The following EPN3 variants were observed in gnomAD, a reference collection of about 807,000 sequenced individuals.
The protein encoded by EPN3 is epsin-3.
In EPN3, 56 loss-of-function variants were observed where a neutral mutation model predicts 55.5. That is an observed-to-expected ratio of 1.01 (90% CI 0.81 to 1.26). EPN3 has a LOEUF of 1.26. EPN3 is among the 50% of genes most tolerant of loss of function. EPN3 has a pLI of 0.00. For missense variants in EPN3, 927 were observed against 853.4 expected (o/e 1.09, Z -1.07); for synonymous variants, 449 against 375.2 (o/e 1.20, Z -2.27).
At position 50,540,895 on chromosome 17, in the gene EPN3, G is replaced by A; in HGVS notation, c.1082G>A (p.Trp361Ter). 1.9e-6 allele frequency: 3 copies of A among 1,614,152 alleles called. No individual in the cohort carries two copies. The highest frequency in any genetic ancestry group is 2.2e-5 in the East Asian group (1 of 44,882). The part of the protein sequence containing the change: ...SGTVLSRSQP[W>*]DLTPMLSSSE... The stretch of plus-strand genomic sequence containing the variant: ...ACCGTCCTGTCCCGAAGCCAGCCCT[G>A]GGATCTGACTCCCATGCTCTCCTCC... Residue 361 changes from tryptophan (W) to a stop codon, truncating the protein, a stop_gained, in exon 7 of 10, where the codon TGG becomes TAG. Coordinates refer to ENST00000268933, the MANE Select transcript of EPN3 (RefSeq NM_017957.3). LOFTEE classifies it high-confidence loss of function.
chr17:50,538,083 CTCT>C lies in EPN3; in HGVS notation c.570_572del (p.Ser192del). On this transcript the variant is annotated inframe_deletion, in exon 3 of 10. Transcript: ENST00000268933. The stretch of plus-strand genomic sequence containing the variant: ...GAGACATGATGGTCATTGCAGCCTC[CTCT>C]TCGTCACCCCGCTATACCTCCGACC... 2.5e-6 allele frequency: 4 copies of C among 1,613,674 alleles called. No homozygotes were observed. The highest frequency in any genetic ancestry group is 3.3e-4 in the Middle Eastern group (2 of 6,060).
rs749556056 is a variant in EPN3, at chr17:50,541,729, CCTG to C, written c.1585+38_1585+40del. 2.5e-6 allele frequency: 4 copies of C among 1,609,562 alleles called. No individual in the cohort carries two copies. In the South Asian group the frequency reaches 4.4e-5, roughly 18 times the overall value. ...GCCCTTGTCCCTCAACCCAGGGGCT[CCTG>C]CTTTCAGAGCCTAGCCTCCGCCGGA... On this transcript the variant is annotated intron_variant, in intron 9 of 9. Coordinates refer to ENST00000268933, the MANE Select transcript of EPN3 (RefSeq NM_017957.3).
chr17:50,532,972 A>G lies in EPN3; in HGVS notation c.-150A>G. On this transcript the variant is annotated 5_prime_UTR_variant, in exon 1 of 10. Transcript: ENST00000268933. ...CTCGGGCTGGGGCTGGGGCCGAGGG[A>G]GCCCGCACTGGAGGTAAGCTTCCTC... 1 of 1,284,902 alleles carries G rather than the reference A, an allele frequency of 7.8e-7. No individual in the cohort carries two copies. The allele number at this position is 1,284,902 out of a possible 1,614,324, so 79.6% of individuals were successfully genotyped here. A position where few individuals can be genotyped will look rare whatever the true frequency, so the allele number is the denominator to read the frequency against.
chr17:50,536,324 C>T, intron 1 of EPN3, 97 bp from the exon 2 acceptor site: 5 of 1,023,282 alleles, frequency 4.9e-6, no homozygotes, highest in Non-Finnish European at 6.8e-6. Flanking sequence ...TCCCTGGAGG[C>T]AGGGACACTC....
chr17:50,536,788 C>G lies in EPN3; in HGVS notation c.232C>G (p.Leu78Val). 6.2e-7 allele frequency: 1 copy of G among 1,614,158 alleles called. No individual in the cohort carries two copies. Among genetic ancestry groups the G allele is most frequent in the East Asian group, 2.2e-5 (1 of 44,882 alleles). Residue 78 changes from leucine (L) to valine (V), a missense_variant, in exon 2 of 10, where the codon CTA (leucine) becomes GTA (valine). Transcript: ENST00000268933. ...GAACTGGCGGCACGTGTACAAGGCT[C>G]TAACATTGCTGGACTACCTGCTCAA... ...GKNWRHVYKA[L>V]TLLDYLLKTG...
intron 5 of EPN3, among the ~76,000 whole-genome samples, chr17:50,539,726 T>C (rs540444378): frequency 7.9e-5 from 12 of 152,236 alleles, no homozygotes; most frequent in Non-Finnish European, 1.6e-4. Context: ...CTCGGGCTCA[T>C]GGACATATTT....
rs550737946 is a variant in EPN3 at position 50,536,426 on chromosome 17, T to C, written c.-131T>C. ...CCTGGCCCTCTCTTCCTCAGCCCCA[T>C]GTGGAACCCAAGGATGCAGCTGCTC... is the stretch of plus-strand genomic sequence containing the variant. On this transcript the variant is annotated 5_prime_UTR_variant, in exon 2 of 10. It removes an upstream start codon present in the reference 5' UTR. Coordinates refer to ENST00000268933, the MANE Select transcript of EPN3 (RefSeq NM_017957.3). 99 of 1,519,356 alleles carry C rather than the reference T, an allele frequency of 6.5e-5. No homozygotes were observed. In the African/African-American group the frequency reaches 9.6e-4, roughly 15 times the overall value. The allele number at this position is 1,519,356 out of a possible 1,614,324, so 94.1% of individuals were successfully genotyped here. A position where few individuals can be genotyped will look rare whatever the true frequency, so the allele number is the denominator to read the frequency against.
rs1404270133 is a variant in EPN3 at position 50,532,903 on chromosome 17, G to A, written c.-219G>A. 1 of 1,286,046 alleles carries A rather than the reference G, an allele frequency of 7.8e-7. No homozygotes were observed. The highest frequency in any genetic ancestry group is 1.0e-6 in the Non-Finnish European group (1 of 987,432). The allele number at this position is 1,286,046 out of a possible 1,614,324, so 79.7% of individuals were successfully genotyped here. A position where few individuals can be genotyped will look rare whatever the true frequency, so the allele number is the denominator to read the frequency against. ...GCTCTGGAGACGCTCCCGAGGCTGT[G>A]CCGTCCCGCTGCTGCACAGGTCGGA... On this transcript the variant is annotated 5_prime_UTR_variant, in exon 1 of 10. Transcript: ENST00000268933.
Position 50,542,646 on chromosome 17 carries a change from T to C in EPN3, c.*489T>C, listed in dbSNP as rs1277494465. ...GCAAGAGACAATAGGCCTTTGTTCCTATTTATTGGGTACTGCTTACGTGCT... is the reference window on the plus strand; with the variant it reads ...GCAAGAGACAATAGGCCTTTGTTCCCATTTATTGGGTACTGCTTACGTGCT... On this transcript the variant is annotated 3_prime_UTR_variant, in exon 10 of 10. Transcript: ENST00000268933. 5 of 162,948 alleles carry C rather than the reference T, an allele frequency of 3.1e-5. No homozygotes were observed. The highest frequency in any genetic ancestry group is 6.6e-5 in the Non-Finnish European group (5 of 75,976). 10.1% of individuals were successfully genotyped at this position (162,948 alleles called of 1,614,324 possible).
chr17:50,540,920 CTCT>C lies in EPN3; in HGVS notation c.1108_1110del (p.Ser370del), dbSNP rs1567905312. 5 of 1,614,036 alleles carry C rather than the reference CTCT, an allele frequency of 3.1e-6. No homozygotes were observed. Among genetic ancestry groups the C allele is most frequent in the African/African-American group, 2.7e-5 (2 of 74,942 alleles). ...GGGATCTGACTCCCATGCTCTCCTC[CTCT>C]GAGCCCTGGGGCAGGACCCCAGTGC... On this transcript the variant is annotated inframe_deletion, in exon 7 of 10. Transcript: ENST00000268933.
intron 3 of EPN3, 57 bp downstream of exon 3, chr17:50,538,254 C>A: frequency 1.4e-6 from 2 of 1,403,900 alleles, no homozygotes; most frequent in Non-Finnish European, 2.0e-6. Context: ...GGAGAGAGTG[C>A]CTGGGAGCCC....
rs199945597 is a variant in EPN3, at chr17:50,540,359, C to T, written c.979+25C>T. The stretch of plus-strand genomic sequence containing the variant: ...GGTGGGCATGCAGGGCTGCAAGAGA[C>T]TTCCAGGCTGGCCCAAGAGCCTCCT... On this transcript the variant is annotated intron_variant, in intron 6 of 9. Transcript: ENST00000268933. 2.1e-5 allele frequency: 33 copies of T among 1,593,166 alleles called. No homozygotes were observed. In the African/African-American group the frequency reaches 4.3e-4, roughly 21 times the overall value.
chr17:50,538,092 AC>A lies in EPN3; in HGVS notation c.580del (p.Arg194AlafsTer27). 6.2e-7 allele frequency: 1 copy of A among 1,613,418 alleles called. No homozygotes were observed. Among genetic ancestry groups the A allele is most frequent in the Non-Finnish European group, 8.5e-7 (1 of 1,179,742 alleles). On this transcript the variant is annotated frameshift_variant, in exon 3 of 10. Coordinates refer to ENST00000268933, the MANE Select transcript of EPN3 (RefSeq NM_017957.3). LOFTEE classifies it high-confidence loss of function. ...PSSYNSSSSS[P>X]RYTSDLEQAR... is the part of the protein sequence containing the mutation. Reference sequence around the variant, plus strand: ...TGGTCATTGCAGCCTCCTCTTCGTCACCCCGCTATACCTCCGACCTGGAGCA... The same window carrying A: ...TGGTCATTGCAGCCTCCTCTTCGTCACCCGCTATACCTCCGACCTGGAGCA...
intron 1 of EPN3, among the ~76,000 whole-genome samples, chr17:50,535,413 G>A (rs985489517): frequency 2.6e-5 from 4 of 152,188 alleles, no homozygotes; most frequent in African/African-American, 7.2e-5. Context: ...ACTTCCATGT[G>A]TACGTGGGGG....
Position 50,532,779 on chromosome 17 carries a change from G to A in EPN3, c.-343G>A. ...GCTAGGAGGCAAACGCACGCGGGAA[G>A]AGCTGCTACCCATTCCAGGGACCCT... On this transcript the variant is annotated 5_prime_UTR_variant, in exon 1 of 10. Transcript: ENST00000268933. 1.3e-6 allele frequency: 1 copy of A among 777,156 alleles called. No homozygotes were observed. The highest frequency in any genetic ancestry group is 1.8e-6 in the Non-Finnish European group (1 of 553,504). The allele number at this position is 777,156 out of a possible 1,614,324, so 48.1% of individuals were successfully genotyped here. A position where few individuals can be genotyped will look rare whatever the true frequency, so the allele number is the denominator to read the frequency against.
At position 50,540,309 on chromosome 17, in the gene EPN3, C is replaced by A. The variant is rs758019315; in HGVS notation, c.954C>A (p.Cys318Ter). Reference protein sequence around the residue: ...VPALAPPSTHCSADPWDIPGF... With the variant: ...VPALAPPSTH ...CCCTGGCCCCGCCCTCCACACACTGCTCTGCTGACCCATGGGACATCCCAG... is the reference window on the plus strand; with the variant it reads ...CCCTGGCCCCGCCCTCCACACACTGATCTGCTGACCCATGGGACATCCCAG... The change falls in exon 6 of 10, where the codon TGC (cysteine) becomes TGA (stop). Residue 318 changes from cysteine (C) to a stop codon, truncating the protein, a stop_gained. Transcript: ENST00000268933. LOFTEE classifies it high-confidence loss of function. 4 of 1,612,332 alleles carry A rather than the reference C, an allele frequency of 2.5e-6. No homozygotes were observed. Among genetic ancestry groups the A allele is most frequent in the Non-Finnish European group, 3.4e-6 (4 of 1,179,956 alleles).
Position 50,539,204 on chromosome 17 carries a change from G to A in EPN3, c.780G>A (p.Gln260=). The A allele has an allele frequency of 6.8e-6, 11 of 1,614,076 alleles. No individual in the cohort carries two copies. Among genetic ancestry groups the A allele is most frequent in the Non-Finnish European group, 9.3e-6 (11 of 1,180,002 alleles). The change falls in exon 5 of 10, where the codon CAG becomes CAA. Residue 260 remains glutamine, a synonymous_variant. Coordinates refer to ENST00000268933, the MANE Select transcript of EPN3 (RefSeq NM_017957.3). ...TTCTGCAGGAGGTGAGGTCCTGGCAGGGTGATGGCTCCCCCATGGCCAATG... is the reference window on the plus strand; with the variant it reads ...TTCTGCAGGAGGTGAGGTCCTGGCAAGGTGATGGCTCCCCCATGGCCAATG... The part of the protein sequence containing the change: ...QEHEKEVRSW[Q]GDGSPMANGA...
intron 1 of EPN3, chr17:50,534,343 G>A: frequency 1.1e-6 from 1 of 920,878 alleles, no homozygotes; most frequent in South Asian, 5.0e-5. Flanking sequence ...TCCCCTCCCA[G>A]AGGCTGGTGC....
Position 50,542,191 on chromosome 17 carries a change from G to T in EPN3, c.*34G>T. 2.8e-6 allele frequency: 4 copies of T among 1,438,406 alleles called. No individual in the cohort carries two copies. Among genetic ancestry groups the T allele is most frequent in the Non-Finnish European group, 3.6e-6 (4 of 1,105,938 alleles). 89.1% of individuals were successfully genotyped at this position (1,438,406 alleles called of 1,614,324 possible). A position where few individuals can be genotyped will look rare whatever the true frequency, so the allele number is the denominator to read the frequency against. On this transcript the variant is annotated 3_prime_UTR_variant, in exon 10 of 10. Coordinates refer to ENST00000268933, the MANE Select transcript of EPN3 (RefSeq NM_017957.3). ...CCGTCCCATACCGGCCTGCGCCTGC[G>T]CCGGACGCTCCGCGGCCCCGCCTCC...
Sources: allele counts gnomAD v4.1 joint callset (sites outside exome capture counted in the v4.1 genomes callset), GRCh38; gene constraint gnomAD v4.1.1; transcripts MANE v1.5; gene names NCBI Gene and HGNC (gene_info 2026-07-23, HGNC 2026-07-21).